CDKN2B-AS1: variants seen among roughly 807,000 people sequenced by gnomAD.
The protein encoded by CDKN2B-AS1 is CDKN2B and CDKN2A antisense cis and trans regulatory RNA 1, also known as CDKN2B antisense RNA 1 (non-protein coding).
chr9:22,060,845 A>T (rs1236483087), intron 4 of CDKN2B-AS1, among the ~76,000 whole-genome samples: 1 of 152,156 alleles, frequency 6.6e-6, no homozygotes, highest in Non-Finnish European at 1.5e-5. Flanking sequence ...GAAACCCCTG[A>T]TAAACCCATC....
At chr9:22,041,797 C>T (rs1822908593) in intron 1 of CDKN2B-AS1, among the ~76,000 whole-genome samples, 1 of 152,028 alleles carries the variant, frequency 6.6e-6, no homozygotes, top group Non-Finnish European at 1.5e-5. Context: ...TCCAAAGCAA[C>T]TGTTGTCTGT....
chr9:22,008,763 G>A, intron 1 of CDKN2B-AS1: 1 of 1,609,518 alleles, frequency 6.2e-7, no homozygotes, highest in East Asian at 2.2e-5. Context: ...GCGTTCGCGC[G>A]CCCCCTGCCG....
At chr9:22,123,374 C>T (rs1239521542) in intron 4 of CDKN2B-AS1, among the ~76,000 whole-genome samples, 1 of 152,124 alleles carries the variant, frequency 6.6e-6, no homozygotes. Flanking sequence ...TGGGCTAGGA[C>T]TTCCATTACT....
At chr9:22,058,157 G>C (rs1823651895) in intron 4 of CDKN2B-AS1, among the ~76,000 whole-genome samples, 1 of 152,174 alleles carries the variant, frequency 6.6e-6, no homozygotes. Flanking sequence ...TTGCGCCATT[G>C]CACTTCAGCC....
intron 1 of CDKN2B-AS1, chr9:22,009,100 C>T: frequency 7.9e-7 from 1 of 1,266,958 alleles, no homozygotes; most frequent in African/African-American, 1.5e-5. Context: ...TCCCGTCGTC[C>T]TTCTGCGGCT....
chr9:22,004,679 G>A, intron 1 of CDKN2B-AS1: 1 of 232,820 alleles, frequency 4.3e-6, no homozygotes. Flanking sequence ...AGTTTGTTCA[G>A]TGATAGTAGG....
intron 1 of CDKN2B-AS1, among the ~76,000 whole-genome samples, chr9:22,013,327 A>G (rs1017737549): frequency 6.6e-6 from 1 of 152,158 alleles, no homozygotes; most frequent in Non-Finnish European, 1.5e-5. Context: ...ATTTTTACAC[A>G]TTTTACTTTT....
chr9:22,026,723 C>T (rs188051031), intron 1 of CDKN2B-AS1, among the ~76,000 whole-genome samples: 153 of 152,258 alleles, frequency 1.0e-3, no homozygotes, highest in African/African-American at 3.4e-3. Flanking sequence ...TTGCCAAAGT[C>T]GCAGCTACTT....
chr9:22,072,388 G>T (rs59127870), intron 4 of CDKN2B-AS1, among the ~76,000 whole-genome samples: 11 of 152,150 alleles, frequency 7.2e-5, no homozygotes, highest in Admixed American at 5.9e-4. Flanking sequence ...GCTGGAAAAT[G>T]ACCCTGGAGC....
intron 4 of CDKN2B-AS1, among the ~76,000 whole-genome samples, chr9:22,100,165 A>T (rs796653547): frequency 1.3e-5 from 2 of 152,314 alleles, no homozygotes; most frequent in African/African-American, 4.8e-5. Context: ...TTATTGAGGT[A>T]TAACTTCCAC....
rs766401440 is a variant in CDKN2B-AS1, at chr9:22,008,695, T to G, written n.29+13534T>G. 3.7e-6 allele frequency: 6 copies of G among 1,611,120 alleles called. No individual in the cohort carries two copies. In the East Asian group the frequency reaches 1.3e-4, roughly 36 times the overall value. On this transcript the variant is annotated intron_variant and non_coding_transcript_variant, in intron 1 of 4. Transcript: ENST00000650946. ...CACACCTCCGGCCAACGGAGACTCC[T>G]GTACAAATCTACATCGGCGATCTAG...
chr9:22,016,900 C>T (rs185443628), intron 1 of CDKN2B-AS1, among the ~76,000 whole-genome samples: 8 of 152,262 alleles, frequency 5.3e-5, no homozygotes, highest in African/African-American at 1.4e-4. Flanking sequence ...TGTTTTAACC[C>T]ATTATAGTTA....
Position 22,001,306 on chromosome 9 carries a change from A to G in CDKN2B-AS1, n.29+6145A>G, listed in dbSNP as rs1216629758. Among the ~76,000 whole-genome samples the G allele has an allele frequency of 6.6e-6, 1 of 152,182 alleles. No homozygotes were observed. The highest frequency in any genetic ancestry group is 1.5e-5 in the Non-Finnish European group (1 of 68,000). Reference sequence around the variant, plus strand: ...TTTTCTGTGCCAGAGCTGACTCCATATATCTACTGGAAGTCTAATGCCAGG... The same window carrying G: ...TTTTCTGTGCCAGAGCTGACTCCATGTATCTACTGGAAGTCTAATGCCAGG... On this transcript the variant is annotated intron_variant and non_coding_transcript_variant, in intron 1 of 4. Coordinates refer to ENST00000650946, the Ensembl canonical transcript of CDKN2B-AS1. This position sits in a 1 kb window ranked among gnomAD's most constrained non-coding sequence, Gnocchi z 4.2.
Position 22,039,211 on chromosome 9 carries a change from T to A in CDKN2B-AS1, n.30-7540T>A, listed in dbSNP as rs895439995. ...GATCCAAATCTTTAGACTTTGTTGCTCGGTGGAACTAGAATCATTAATATC... is the reference window on the plus strand; with the variant it reads ...GATCCAAATCTTTAGACTTTGTTGCACGGTGGAACTAGAATCATTAATATC... On this transcript the variant is annotated intron_variant and non_coding_transcript_variant, in intron 1 of 4. Transcript: ENST00000650946. The surrounding 1 kb of genome is among the most constrained non-coding windows in gnomAD (Gnocchi z 4.4). 6.6e-6 allele frequency among the ~76,000 whole-genome samples: 1 copy of A among 152,012 alleles called. No homozygotes were observed. Among genetic ancestry groups the A allele is most frequent in the Non-Finnish European group, 1.5e-5 (1 of 67,960 alleles).
intron 3 of CDKN2B-AS1, among the ~76,000 whole-genome samples, chr9:22,052,786 C>G (rs1398243925): frequency 6.6e-6 from 1 of 152,224 alleles, no homozygotes; most frequent in Non-Finnish European, 1.5e-5. Flanking sequence ...GGGTTCTCAA[C>G]ATAAAATGAA....
chr9:22,059,725 G>A (rs1823730924), intron 4 of CDKN2B-AS1, among the ~76,000 whole-genome samples: 1 of 152,190 alleles, frequency 6.6e-6, no homozygotes, highest in African/African-American at 2.4e-5. Flanking sequence ...TTCTCCATGA[G>A]AGCCCCGCCC....
chr9:22,076,570 A>G (rs755746661), intron 4 of CDKN2B-AS1, among the ~76,000 whole-genome samples: 1 of 152,206 alleles, frequency 6.6e-6, no homozygotes, highest in Non-Finnish European at 1.5e-5. Context: ...GAAACAAATT[A>G]ACATCTCCAT....
At chr9:22,003,214 G>A (rs1042183106) in intron 1 of CDKN2B-AS1, 1 of 217,242 alleles carries the variant, frequency 4.6e-6, no homozygotes, top group Non-Finnish European at 9.2e-6. Context: ...GCATTGATAA[G>A]TTACTATTTC....
chr9:22,111,687 C>T (rs914481523), intron 4 of CDKN2B-AS1, among the ~76,000 whole-genome samples: 1 of 152,030 alleles, frequency 6.6e-6, no homozygotes, highest in Non-Finnish European at 1.5e-5. Flanking sequence ...AAATCTCTTT[C>T]GCAATACCTA....
Sources: gnomAD v4.1 joint callset for allele counts (sites outside exome capture counted in the v4.1 genomes callset) on GRCh38, gnomAD v4.1.1 for gene constraint, Gnocchi (gnomAD v3.1) non-coding constraint, MANE v1.5 for transcripts, NCBI Gene and HGNC (gene_info 2026-07-23, HGNC 2026-07-21) for gene names.